Variants in FER observed in about 807,000 individuals in gnomAD.
FER encodes FER tyrosine kinase.
In FER, 63 loss-of-function variants were observed where a neutral mutation model predicts 111.0. The ratio of observed to expected loss-of-function variants is 0.57; its 90% CI spans 0.46 to 0.70. The LOEUF (loss-of-function observed/expected upper bound fraction) is 0.70, where lower values mean the gene tolerates loss of function less well. FER is among the 30% of genes least tolerant of loss of function. The pLI is 0.00. For missense variants in FER, 914 were observed against 954.0 expected (o/e 0.96, Z 0.55); for synonymous variants, 327 against 313.9 (o/e 1.04, Z -0.44).
intron 8 of FER, among the ~76,000 whole-genome samples, chr5:108,877,216 G>C (rs1765174794): frequency 6.6e-6 from 1 of 152,070 alleles, no homozygotes; most frequent in Non-Finnish European, 1.5e-5. Flanking sequence ...TACAGTATTA[G>C]CTCAAGTTTG....
At chr5:108,926,534 A>G (rs1427506461) in intron 10 of FER, among the ~76,000 whole-genome samples, 4 of 152,212 alleles carry the variant, frequency 2.6e-5, no homozygotes, top group Admixed American at 1.3e-4. Flanking sequence ...TTTTAAAACA[A>G]TTCAACAAGT....
In FER at chr5:108,777,631, G is replaced by C. The variant is rs578089682; in HGVS notation, c.-60+9393G>C. 1.7e-4 allele frequency among the ~76,000 whole-genome samples: 26 copies of C among 152,178 alleles called. No individual in the cohort carries two copies. In the South Asian group the frequency reaches 5.2e-3, roughly 30 times the overall value. ...CCTGGCAACCACTGATCTTTTTACT[G>C]TTGTATGAGTCCATTTTCACACTGC... On this transcript the variant is annotated intron_variant, in intron 2 of 19. Coordinates refer to ENST00000281092, the MANE Select transcript of FER (RefSeq NM_005246.4).
intron 12 of FER, 102 bp from the exon 13 acceptor site, chr5:108,959,123 G>T: frequency 1.7e-6 from 2 of 1,171,758 alleles, no homozygotes; most frequent in South Asian, 1.6e-5. Context: ...ACATTGTTGT[G>T]CAATTATAGT....
chr5:108,928,125 G>T (rs1754045108), intron 10 of FER, among the ~76,000 whole-genome samples: 1 of 152,236 alleles, frequency 6.6e-6, no homozygotes, highest in African/African-American at 2.4e-5. Context: ...TTTGATTGCT[G>T]TAGTTTGTTC....
At chr5:109,001,119 C>G (rs1451234740) in intron 13 of FER, among the ~76,000 whole-genome samples, 1 of 151,988 alleles carries the variant, frequency 6.6e-6, no homozygotes, top group Non-Finnish European at 1.5e-5. Context: ...AGAATCCTCC[C>G]TAACTCATTT....
chr5:108,798,553 T>C (rs934147187), intron 3 of FER, among the ~76,000 whole-genome samples, 164 bp downstream of exon 3: 1 of 152,158 alleles, frequency 6.6e-6, no homozygotes, highest in African/African-American at 2.4e-5. Context: ...TTAAAAATTA[T>C]AAATTTTGGA....
chr5:109,129,190 T>C (rs1752081584), intron 17 of FER, among the ~76,000 whole-genome samples: 1 of 152,026 alleles, frequency 6.6e-6, no homozygotes, highest in East Asian at 1.9e-4. Flanking sequence ...ACTCATACCT[T>C]ATCTTATAAC....
At chr5:108,852,713 T>A (rs2150190868) in intron 5 of FER, among the ~76,000 whole-genome samples, 2 of 152,240 alleles carry the variant, frequency 1.3e-5, no homozygotes, top group South Asian at 4.1e-4. Context: ...GATTAATATA[T>A]ATCAGCAGCT....
chr5:108,815,075 C>T (rs1758145099), intron 3 of FER, among the ~76,000 whole-genome samples: 1 of 152,044 alleles, frequency 6.6e-6, no homozygotes, highest in Non-Finnish European at 1.5e-5. Context: ...CCTAGGAGTC[C>T]TGGTTTCTTT....
chr5:109,104,812 G>A (rs1748683942), intron 17 of FER, among the ~76,000 whole-genome samples: 4 of 151,526 alleles, frequency 2.6e-5, no homozygotes, highest in African/African-American at 9.7e-5. Context: ...GCGCCATCTC[G>A]GCTCACTGCA....
At chr5:109,047,239 G>C (rs1430392386) in intron 16 of FER, 41 bp downstream of exon 16, 1 of 1,141,042 alleles carries the variant, frequency 8.8e-7, no homozygotes, top group Admixed American at 1.9e-5. Context: ...ACATTTTAAT[G>C]TCATGTTTTA....
chr5:109,099,602 T>G (rs546276979), intron 16 of FER, among the ~76,000 whole-genome samples: 1 of 151,594 alleles, frequency 6.6e-6, no homozygotes, highest in African/African-American at 2.4e-5. Context: ...AATTTTCATA[T>G]TGACATATGT....
chr5:109,021,600 A>C (rs1004294490), intron 13 of FER, among the ~76,000 whole-genome samples: 6 of 152,056 alleles, frequency 3.9e-5, no homozygotes, highest in Non-Finnish European at 7.4e-5. Flanking sequence ...ATAATGAAGG[A>C]TTCTTAGTGC....
chr5:109,158,115 G>T (rs868709710), intron 17 of FER, among the ~76,000 whole-genome samples: 2 of 152,062 alleles, frequency 1.3e-5, no homozygotes, highest in Admixed American at 6.6e-5. Context: ...GGTGGCTCAT[G>T]CCTGTAACCC....
chr5:108,841,201 C>G (rs943882815), intron 5 of FER, among the ~76,000 whole-genome samples: 9 of 152,158 alleles, frequency 5.9e-5, no homozygotes, highest in African/African-American at 1.9e-4. Context: ...AAGCCTCTTG[C>G]TCAGGGCTGT....
intron 2 of FER, among the ~76,000 whole-genome samples, chr5:108,772,312 A>ATATG (rs1368988002): frequency 1.4e-5 from 2 of 141,958 alleles, no homozygotes; most frequent in African/African-American, 2.8e-5. Flanking sequence ...TGCCATATAT[A>ATATG]TATGTATGTA....
intron 13 of FER, among the ~76,000 whole-genome samples, chr5:108,996,763 A>T (rs1764034266): frequency 2.0e-5 from 3 of 152,060 alleles, no homozygotes; most frequent in African/African-American, 7.2e-5. Flanking sequence ...TTGTTTCCAT[A>T]TGCAATTTAA....
At chr5:108,897,948 C>A in intron 10 of FER, 100 bp downstream of exon 10, 1 of 1,091,684 alleles carries the variant, frequency 9.2e-7, no homozygotes, top group Non-Finnish European at 1.3e-6. Flanking sequence ...AATTGTTACT[C>A]TTGTTAATAT....
Position 108,927,250 on chromosome 5 carries a change from C to CT in FER, c.1237-18879dup, listed in dbSNP as rs773963733. 1.1e-3 allele frequency among the ~76,000 whole-genome samples: 108 copies of CT among 95,348 alleles called. 2 individuals are homozygous for CT. Among genetic ancestry groups the CT allele is most frequent in the African/African-American group, 7.4e-3 (100 of 13,486 alleles). 62.6% of individuals were successfully genotyped at this position (95,348 alleles called of 152,430 possible). A position where few individuals can be genotyped will look rare whatever the true frequency, so the allele number is the denominator to read the frequency against. On this transcript the variant is annotated intron_variant, in intron 10 of 19. Coordinates refer to ENST00000281092, the MANE Select transcript of FER (RefSeq NM_005246.4). ...CATGTAATTCAGCATTGAGAAGTGG[C>CT]TCTTTTTTTTTTTTTTTTTTTGAGA...
Sources: allele counts gnomAD v4.1 joint callset (sites outside exome capture counted in the v4.1 genomes callset), GRCh38; gene constraint gnomAD v4.1.1; transcripts MANE v1.5; gene names NCBI Gene and HGNC (gene_info 2026-07-23, HGNC 2026-07-21).